The following TOP1 variants were observed in gnomAD, a reference collection of about 807,000 sequenced individuals.
The protein encoded by TOP1 is DNA topoisomerase I, also known as DNA topoisomerase 1.
In TOP1, 10 loss-of-function variants were observed where a neutral mutation model predicts 111.1. That is an observed-to-expected ratio of 0.09 (90% CI 0.06 to 0.15). The LOEUF (loss-of-function observed/expected upper bound fraction) is 0.15, where lower values mean the gene tolerates loss of function less well. TOP1 is among the 10% of genes least tolerant of loss of function. TOP1 has a pLI of 1.00. For missense variants in TOP1, 474 were observed against 926.7 expected, an observed-to-expected ratio of 0.51 and a Z score of 6.34; for synonymous variants, 271 against 302.9, an observed-to-expected ratio of 0.89 and a Z score of 1.10.
At position 41,118,345 on chromosome 20, in the gene TOP1, C is replaced by T. The variant is rs778451034; in HGVS notation, c.1950+49C>T. On this transcript the variant is annotated intron_variant, in intron 18 of 20. Transcript: ENST00000361337. The surrounding 1 kb of genome is among the most constrained non-coding windows in gnomAD (Gnocchi z 4.6). ...ACTGTGTCTGCTGTGGGCAGATTATCTGCGAATGAGAGGATTCAGGGCTGA... is the reference window on the plus strand; with the variant it reads ...ACTGTGTCTGCTGTGGGCAGATTATTTGCGAATGAGAGGATTCAGGGCTGA... The T allele has an allele frequency of 1.5e-5, 24 of 1,603,402 alleles. No individual in the cohort carries two copies. The highest frequency in any genetic ancestry group is 2.0e-5 in the Non-Finnish European group (23 of 1,172,264).
intron 13 of TOP1, among the ~76,000 whole-genome samples, chr20:41,105,643 G>GT (rs1286845113): frequency 1.6e-4 from 25 of 152,228 alleles, no homozygotes; most frequent in African/African-American, 5.8e-4. Flanking sequence ...GATTATAGGC[G>GT]TGTGCCACCA....
chr20:41,029,282 T>C lies in TOP1; in HGVS notation c.34-149T>C, dbSNP rs1285404136. 12 of 790,452 alleles carry C rather than the reference T, an allele frequency of 1.5e-5. No homozygotes were observed. 49.0% of individuals were successfully genotyped at this position (790,452 alleles called of 1,614,324 possible). A position where few individuals can be genotyped will look rare whatever the true frequency, so the allele number is the denominator to read the frequency against. ...CGAGCGAGGGCCGCGAAGTTACAGTTCGAGGCAGGGATGGCTGCCCTCTGT... is the reference window on the plus strand; with the variant it reads ...CGAGCGAGGGCCGCGAAGTTACAGTCCGAGGCAGGGATGGCTGCCCTCTGT... On this transcript the variant is annotated intron_variant, in intron 1 of 20. Transcript: ENST00000361337. The surrounding 1 kb of genome is among the most constrained non-coding windows in gnomAD (Gnocchi z 6.1).
chr20:41,084,474 A>G lies in TOP1; in HGVS notation c.520A>G (p.Lys174Glu). 1 of 1,559,888 alleles carries G rather than the reference A, an allele frequency of 6.4e-7. No individual in the cohort carries two copies. Among genetic ancestry groups the G allele is most frequent in the Non-Finnish European group, 8.7e-7 (1 of 1,150,652 alleles). Residue 174 changes from lysine to glutamate, a missense_variant, in exon 8 of 21, where the codon AAA becomes GAA. This residue lies in a region of TOP1 where 185 missense variants were observed against 226.3 expected (regional missense o/e 0.82). Transcript: ENST00000361337. Reference protein sequence around the residue: ...KLEEEEDGKLKKPKNKDKDKK... With the variant: ...KLEEEEDGKLEKPKNKDKDKK... ...TGTTTCTTTGTAGGATGGTAAATTG[A>G]AAAAACCCAAGAATAAAGATAAAGA...
In TOP1 at chr20:41,098,555, T is replaced by C. The variant is rs982487466; in HGVS notation, c.975+218T>C. The C allele has an allele frequency of 8.6e-6, 4 of 467,704 alleles. No individual in the cohort carries two copies. The highest frequency in any genetic ancestry group is 1.5e-5 in the Non-Finnish European group (4 of 267,762). The allele number at this position is 467,704 out of a possible 1,614,324, so 29.0% of individuals were successfully genotyped here. A position where few individuals can be genotyped will look rare whatever the true frequency, so the allele number is the denominator to read the frequency against. ...GCTCAGTAGCTCTGTACAGGAATCT[T>C]GGTGCTTCAGTGACCTAAAAACCAG... On this transcript the variant is annotated intron_variant, in intron 11 of 20. Transcript: ENST00000361337. This position sits in a 1 kb window ranked among gnomAD's most constrained non-coding sequence, Gnocchi z 5.7.
At chr20:41,070,426 T>G (rs1459969560) in intron 3 of TOP1, among the ~76,000 whole-genome samples, 1 of 152,242 alleles carries the variant, frequency 6.6e-6, no homozygotes, top group Non-Finnish European at 1.5e-5. Flanking sequence ...AGATATATAA[T>G]CGGCATTGTA....
At chr20:41,059,466 G>A (rs1016144481) in intron 2 of TOP1, among the ~76,000 whole-genome samples, 29 of 139,960 alleles carry the variant, frequency 2.1e-4, no homozygotes, top group Non-Finnish European at 3.8e-4. Flanking sequence ...ATAAGGTGGT[G>A]GTGGTGATAT....
At chr20:41,057,944 T>C (rs768615054) in intron 2 of TOP1, among the ~76,000 whole-genome samples, 3 of 152,240 alleles carry the variant, frequency 2.0e-5, no homozygotes, top group Admixed American at 6.5e-5. Context: ...GATATTGCTG[T>C]CAAGTAAACT....
rs186576212 is a variant in TOP1 at position 41,067,886 on chromosome 20, G to A, written c.155+6396G>A. On this transcript the variant is annotated intron_variant, in intron 3 of 20. Transcript: ENST00000361337. This position sits in a 1 kb window ranked among gnomAD's most constrained non-coding sequence, Gnocchi z 4.0. Reference sequence around the variant, plus strand: ...TTGGTTTCCTCTTTATTGTCCTCATGCAAGGTGCAAAACAAGGGAGTAGGT... The same window carrying A: ...TTGGTTTCCTCTTTATTGTCCTCATACAAGGTGCAAAACAAGGGAGTAGGT... Among the ~76,000 whole-genome samples, 67 of 152,304 alleles carry A rather than the reference G, an allele frequency of 4.4e-4. 1 individual carries two copies. The East Asian group carries it at 4.8e-3, about 11-fold the overall frequency.
In TOP1 at chr20:41,098,483, T is replaced by C; in HGVS notation, c.975+146T>C. 1 of 954,094 alleles carries C rather than the reference T, an allele frequency of 1.0e-6. No homozygotes were observed. The highest frequency in any genetic ancestry group is 2.7e-5 in the East Asian group (1 of 36,652). The allele number at this position is 954,094 out of a possible 1,614,324, so 59.1% of individuals were successfully genotyped here. A position where few individuals can be genotyped will look rare whatever the true frequency, so the allele number is the denominator to read the frequency against. On this transcript the variant is annotated intron_variant, in intron 11 of 20. Transcript: ENST00000361337. This position sits in a 1 kb window ranked among gnomAD's most constrained non-coding sequence, Gnocchi z 5.7. The stretch of plus-strand genomic sequence containing the variant: ...AGACTTAGAGTTCTCAAAGTCTAAA[T>C]TTTCTTAAAGGTTTTAGTTAGACTG...
rs1188118763 is a variant in TOP1, at chr20:41,036,283, C to T, written c.58+6828C>T. ...TATCTGCTGTTAGAGATAGCTTGGACCCTTTGTATGTGGAATGTTAGGTCT... is the reference window on the plus strand; with the variant it reads ...TATCTGCTGTTAGAGATAGCTTGGATCCTTTGTATGTGGAATGTTAGGTCT... On this transcript the variant is annotated intron_variant, in intron 2 of 20. Coordinates refer to ENST00000361337, the MANE Select transcript of TOP1 (RefSeq NM_003286.4). Among the ~76,000 whole-genome samples the T allele has an allele frequency of 1.9e-4, 29 of 152,026 alleles. 1 individual carries two copies. The highest frequency in any genetic ancestry group is 1.9e-3 in the Admixed American group (29 of 15,262).
At chr20:41,040,809 A>G (rs1396961094) in intron 2 of TOP1, among the ~76,000 whole-genome samples, 1 of 151,606 alleles carries the variant, frequency 6.6e-6, no homozygotes, top group Non-Finnish European at 1.5e-5. Context: ...GTCTCAAAAA[A>G]AAAAAAAAAA....
chr20:41,122,266 C>G lies in TOP1; in HGVS notation c.2195+111C>G. On this transcript the variant is annotated intron_variant, in intron 20 of 20. Coordinates refer to ENST00000361337, the MANE Select transcript of TOP1 (RefSeq NM_003286.4). This position sits in a 1 kb window ranked among gnomAD's most constrained non-coding sequence, Gnocchi z 5.4. ...CATTCCTAAGCTACACACTTTAGTCCTCTGGGGAAACTTCTGGCTTCAGCT... is the reference window on the plus strand; with the variant it reads ...CATTCCTAAGCTACACACTTTAGTCGTCTGGGGAAACTTCTGGCTTCAGCT... 2.6e-6 allele frequency: 3 copies of G among 1,168,760 alleles called. No homozygotes were observed. In the South Asian group the frequency reaches 4.4e-5, roughly 17 times the overall value. The allele number at this position is 1,168,760 out of a possible 1,614,324, so 72.4% of individuals were successfully genotyped here. A position where few individuals can be genotyped will look rare whatever the true frequency, so the allele number is the denominator to read the frequency against.
chr20:41,063,949 A>G (rs2033576621), intron 3 of TOP1, among the ~76,000 whole-genome samples: 1 of 151,460 alleles, frequency 6.6e-6, no homozygotes, highest in African/African-American at 2.4e-5. Context: ...TTTTGCTGCA[A>G]TTGCTTTTGG....
chr20:41,089,292 C>T (rs182030740), intron 8 of TOP1, among the ~76,000 whole-genome samples: 138 of 152,268 alleles, frequency 9.1e-4, no homozygotes, highest in African/African-American at 3.0e-3. Context: ...TCCCAAAGTG[C>T]TGGGATTACA....
chr20:41,079,098 T>C lies in TOP1; in HGVS notation c.336-987T>C, dbSNP rs997891338. Reference sequence around the variant, plus strand: ...TTGGTTAGGGTGCTAAAATAAGTTCTTTAAACATTCAAATTCTATCACAAG... The same window carrying C: ...TTGGTTAGGGTGCTAAAATAAGTTCCTTAAACATTCAAATTCTATCACAAG... On this transcript the variant is annotated intron_variant, in intron 5 of 20. Coordinates refer to ENST00000361337, the MANE Select transcript of TOP1 (RefSeq NM_003286.4). The surrounding 1 kb of genome is among the most constrained non-coding windows in gnomAD (Gnocchi z 4.0). 3.3e-5 allele frequency among the ~76,000 whole-genome samples: 5 copies of C among 151,872 alleles called. No individual in the cohort carries two copies. Among genetic ancestry groups the C allele is most frequent in the African/African-American group, 1.2e-4 (5 of 41,108 alleles).
At chr20:41,045,143 ATTATTTTATT>A (rs368658944) in intron 2 of TOP1, among the ~76,000 whole-genome samples, 1 of 152,134 alleles carries the variant, frequency 6.6e-6, no homozygotes, top group Admixed American at 6.5e-5. Context: ...AAAGAACTTA[ATTATTTTATT>A]TTATTTTATT....
Position 41,092,419 on chromosome 20 carries a change from C to A in TOP1, c.615-53C>A. On this transcript the variant is annotated intron_variant, in intron 8 of 20. Coordinates refer to ENST00000361337, the MANE Select transcript of TOP1 (RefSeq NM_003286.4). This position sits in a 1 kb window ranked among gnomAD's most constrained non-coding sequence, Gnocchi z 4.3. Reference sequence around the variant, plus strand: ...TATTTGGCATTTAATCAGTGATGATCCCCATGTTAGACAAGGCGATCACTA... The same window carrying A: ...TATTTGGCATTTAATCAGTGATGATACCCATGTTAGACAAGGCGATCACTA... The A allele has an allele frequency of 1.2e-6, 1 of 850,022 alleles. No individual in the cohort carries two copies. Among genetic ancestry groups the A allele is most frequent in the East Asian group, 2.6e-5 (1 of 38,766 alleles). 52.7% of individuals were successfully genotyped at this position (850,022 alleles called of 1,614,324 possible).
At chr20:41,056,095 A>G (rs902882441) in intron 2 of TOP1, among the ~76,000 whole-genome samples, 4 of 152,146 alleles carry the variant, frequency 2.6e-5, no homozygotes, top group Non-Finnish European at 4.4e-5. Context: ...TGCTCCCCCA[A>G]CCACCACCAC....
rs1304261311 is a variant in TOP1, at chr20:41,084,507, G to T, written c.553G>T (p.Val185Phe). ...CAAGAATAAAGATAAAGATAAAAAA[G>T]TTCCTGAGCCAGATAACAAGAAAAA... ...KPKNKDKDKK[V>F]PEPDNKKKKP... The change falls in exon 8 of 21, where the codon GTT becomes TTT. Residue 185 changes from valine (V) to phenylalanine (F), a missense_variant. By Grantham distance (50) the Val-to-Phe change is conservative (BLOSUM62 -1). Around this residue, in one of 14 missense-constraint regions of TOP1, gnomAD observed 185 missense variants for 226.3 expected, o/e 0.82. Transcript: ENST00000361337. 5.7e-6 allele frequency: 9 copies of T among 1,578,194 alleles called. No homozygotes were observed. The highest frequency in any genetic ancestry group is 2.3e-5 in the South Asian group (2 of 85,664).
Sources: gnomAD v4.1 joint callset for allele counts (sites outside exome capture counted in the v4.1 genomes callset) on GRCh38, gnomAD v4.1.1 for gene constraint, gnomAD v4.1.1 regional missense constraint, Gnocchi (gnomAD v3.1) non-coding constraint, MANE v1.5 for transcripts, NCBI Gene and HGNC (gene_info 2026-07-23, HGNC 2026-07-21) for gene names.